Variants in UBE3B observed in about 807,000 individuals in gnomAD.
UBE3B encodes the protein ubiquitin-protein ligase E3B.
UBE3B carries 80 observed loss-of-function variants against 132.3 expected under a neutral mutation model. The observed-to-expected ratio is 0.60, with a 90% CI of 0.50 to 0.73. The LOEUF (loss-of-function observed/expected upper bound fraction) is 0.73. Ranked by LOEUF, UBE3B falls within the 30% of genes least tolerant of loss-of-function variation. UBE3B has a pLI of 0.00. For synonymous variants in UBE3B, 487 were observed against 520.4 expected (o/e 0.94, Z 0.87); for missense variants, 1,196 against 1,362.5 (o/e 0.88, Z 1.92).
chr12:109,546,167 C>A, the UBE3B span, among the ~76,000 whole-genome samples: 7 of 152,118 alleles, frequency 4.6e-5, no homozygotes, highest in Non-Finnish European at 1.0e-4. Context: ...AACATCTTAA[C>A]AGTGATGGTG....
At position 109,516,938 on chromosome 12, in the gene UBE3B, G is replaced by T. The variant is rs1168633973; in HGVS notation, c.2076+54G>T. ...ACAAGGAAGTGGGCCCTGCAACATG[G>T]AAGCTCTTTAGTGGACGGTCTCTGG... On this transcript the variant is annotated intron_variant, in intron 19 of 27. Transcript: ENST00000342494. 2.5e-6 allele frequency: 4 copies of T among 1,592,544 alleles called. No homozygotes were observed. The African/African-American group carries it at 5.4e-5, about 21-fold the overall frequency.
the UBE3B span, among the ~76,000 whole-genome samples, chr12:109,542,168 C>T: frequency 2.6e-5 from 4 of 152,152 alleles, no homozygotes; most frequent in Non-Finnish European, 5.9e-5. Flanking sequence ...AGGAGAATTG[C>T]TTATTCAAGG....
chr12:109,536,971 T>C (rs1003208720), downstream of UBE3B, among the ~76,000 whole-genome samples: 3 of 152,228 alleles, frequency 2.0e-5, no homozygotes, highest in African/African-American at 7.2e-5. Context: ...GCTGTCACCA[T>C]AGGTTGGGTG....
chr12:109,490,849 G>A, intron 8 of UBE3B, 196 bp from the exon 9 acceptor site: 1 of 1,126,354 alleles, frequency 8.9e-7, no homozygotes, highest in Non-Finnish European at 1.2e-6. Flanking sequence ...AGACAGGGTT[G>A]CCCTGTCACC....
chr12:109,488,743 A>G (rs1876933662), intron 7 of UBE3B, 75 bp downstream of exon 7: 1 of 1,448,796 alleles, frequency 6.9e-7, no homozygotes, highest in Admixed American at 1.7e-5. Flanking sequence ...TTTCCTTTGT[A>G]AGAAGCATTT....
At chr12:109,529,839 C>T in intron 24 of UBE3B, 51 bp from the exon 25 acceptor site, 1 of 1,602,428 alleles carries the variant, frequency 6.2e-7, no homozygotes, top group Non-Finnish European at 8.5e-7. Context: ...TTGGTGACAG[C>T]CTGCCCCGTC....
chr12:109,546,954 C>T, the UBE3B span, among the ~76,000 whole-genome samples: 13 of 152,304 alleles, frequency 8.5e-5, 1 homozygote, highest in African/African-American at 2.9e-4. Flanking sequence ...AAGCGATCCT[C>T]CTGCCTCAGC....
intron 1 of UBE3B, among the ~76,000 whole-genome samples, chr12:109,478,500 G>C (rs893387584): frequency 6.6e-6 from 1 of 152,120 alleles, no homozygotes; most frequent in African/African-American, 2.4e-5. Flanking sequence ...GATTATTGAG[G>C]CTGGCCACGG....
intron 4 of UBE3B, 188 bp downstream of exon 4, chr12:109,484,169 T>C: frequency 1.8e-6 from 1 of 571,292 alleles, no homozygotes; most frequent in Non-Finnish European, 2.9e-6. Context: ...TCTTTTCACA[T>C]TGACCATTAT....
chr12:109,490,250 C>A, intron 8 of UBE3B: 2 of 987,946 alleles, frequency 2.0e-6, no homozygotes, highest in South Asian at 1.5e-5. Flanking sequence ...GTAATCCAGT[C>A]TTTTGACATT....
intron 5 of UBE3B, 72 bp downstream of exon 5, chr12:109,486,143 G>A (rs974082829): frequency 6.1e-6 from 9 of 1,479,632 alleles, no homozygotes; most frequent in Non-Finnish European, 8.2e-6. Flanking sequence ...GAAAGTTCCT[G>A]TTGAATATTA....
the UBE3B span, among the ~76,000 whole-genome samples, chr12:109,541,977 T>C: frequency 6.6e-6 from 1 of 152,156 alleles, no homozygotes; most frequent in South Asian, 2.1e-4. Flanking sequence ...AAGACCTGTT[T>C]CCAAAAAAGG....
At chr12:109,499,122 T>G (rs961527372) in intron 11 of UBE3B, among the ~76,000 whole-genome samples, 1 of 152,122 alleles carries the variant, frequency 6.6e-6, no homozygotes, top group Non-Finnish European at 1.5e-5. Flanking sequence ...TGGGGCCAAA[T>G]TTCATGAGGA....
At chr12:109,496,139 A>G (rs558670321) in intron 9 of UBE3B, among the ~76,000 whole-genome samples, 65 of 152,358 alleles carry the variant, frequency 4.3e-4, no homozygotes, top group Admixed American at 7.2e-4. Context: ...CCTGTTGTGG[A>G]CATCTCACAT....
intron 25 of UBE3B, 137 bp downstream of exon 25, chr12:109,530,209 T>G: frequency 1.9e-6 from 2 of 1,046,202 alleles, no homozygotes; most frequent in Non-Finnish European, 1.4e-6. Flanking sequence ...CTGGCTAGAC[T>G]GCTTTGGATT....
chr12:109,518,590 C>T (rs1050582872), intron 19 of UBE3B, among the ~76,000 whole-genome samples: 1 of 152,220 alleles, frequency 6.6e-6, no homozygotes, highest in Non-Finnish European at 1.5e-5. Context: ...CTCAGCCCCA[C>T]TACCCATCAC....
the UBE3B span, among the ~76,000 whole-genome samples, chr12:109,542,050 C>A: frequency 6.6e-6 from 1 of 152,200 alleles, no homozygotes; most frequent in Non-Finnish European, 1.5e-5. Context: ...ACCATTCAAC[C>A]CACTACAACT....
Position 109,501,540 on chromosome 12 carries a change from T to C in UBE3B, c.1282+6T>C, listed in dbSNP as rs756009671. The C allele has an allele frequency of 1.3e-5, 21 of 1,612,742 alleles. No individual in the cohort carries two copies. Among genetic ancestry groups the C allele is most frequent in the Non-Finnish European group, 1.4e-5 (17 of 1,179,364 alleles). On this transcript the variant is annotated splice_donor_region_variant and intron_variant, in intron 13 of 27. Transcript: ENST00000342494. ...GAATGTGCTCCCAGTGAAGAGTGAG[T>C]GACGGGAGCAGGCCCAACCCTGTAG...
chr12:109,532,940 C>G (rs1883091402), intron 26 of UBE3B, among the ~76,000 whole-genome samples: 1 of 152,250 alleles, frequency 6.6e-6, no homozygotes, highest in South Asian at 2.1e-4. Flanking sequence ...GTCCCCTCTG[C>G]ATGAATAAGG....
Sources: gnomAD v4.1 joint callset for allele counts (sites outside exome capture counted in the v4.1 genomes callset) on GRCh38, gnomAD v4.1.1 for gene constraint, MANE v1.5 for transcripts, NCBI Gene and HGNC (gene_info 2026-07-23, HGNC 2026-07-21) for gene names.